UBQLN3: variants seen among roughly 807,000 people sequenced by gnomAD.
UBQLN3 encodes the protein ubiquilin 3, also known as ubiquilin-3.
A neutral mutation model predicts 2.9 loss-of-function variants in UBQLN3; 1 was observed. The ratio of observed to expected loss-of-function variants is 0.35; its 90% CI spans 0.12 to 1.66. UBQLN3 has a LOEUF of 1.66. UBQLN3 is among the 40% of genes most tolerant of loss of function. The probability of loss-of-function intolerance (pLI) is 0.35; values close to 1 mark genes in which losing one functional copy is unlikely to be tolerated. For synonymous variants in UBQLN3, 358 were observed against 317.6 expected, an observed-to-expected ratio of 1.13 and a Z score of -1.35; for missense variants, 924 against 816.5, an observed-to-expected ratio of 1.13 and a Z score of -1.61.
intron 1 of UBQLN3, 138 bp from the exon 2 acceptor site, chr11:5,509,732 G>A (rs992675983): frequency 4.5e-6 from 5 of 1,104,784 alleles, no homozygotes. Context: ...TGAGGTTTCT[G>A]GGGCAGGATG....
In UBQLN3 at chr11:5,509,441, T is replaced by C. The variant is rs948742995; in HGVS notation, c.118A>G (p.Thr40Ala). The change falls in exon 2 of 2, where the codon ACA becomes GCA. Residue 40 changes from threonine to alanine, a missense_variant. Thr to Ala is a moderately conservative substitution (Grantham distance 58, BLOSUM62 0). Transcript: ENST00000311659. ...TCCTTCAGCTGCTGGATAGTGCATG[T>C]GTCTGTAACTGAGAAATCCTCCTTG... ...KDKEDFSVTD[T>A]CTIQQLKEEI... The C allele has an allele frequency of 6.2e-7, 1 of 1,614,228 alleles. No individual in the cohort carries two copies. The highest frequency in any genetic ancestry group is 1.3e-5 in the African/African-American group (1 of 75,072).
chr11:5,508,816 G>A lies in UBQLN3; in HGVS notation c.743C>T (p.Pro248Leu). Residue 248 changes from proline to leucine, a missense_variant, in exon 2 of 2, where the codon CCT (proline) becomes CTT (leucine). Pro to Leu is a moderately conservative substitution (Grantham distance 98). Transcript: ENST00000311659. This position sits in a 1 kb window ranked among gnomAD's most constrained non-coding sequence, Gnocchi z 4.2. ...AGTGCAAAGCACATTGTAGCCACCA[G>A]GAATGCTCTCCAAGTTACTGAGCAC... ...DRVLSNLESI[P>L]GGYNVLCTMY... is the part of the protein sequence containing the mutation. 1 of 1,614,196 alleles carries A rather than the reference G, an allele frequency of 6.2e-7. No individual in the cohort carries two copies. Among genetic ancestry groups the A allele is most frequent in the Non-Finnish European group, 8.5e-7 (1 of 1,180,032 alleles).
intron 1 of UBQLN3, 122 bp from the exon 2 acceptor site, chr11:5,509,716 G>A: frequency 1.5e-5 from 19 of 1,251,256 alleles, no homozygotes; most frequent in Non-Finnish European, 1.7e-5. Flanking sequence ...TACATGAAAG[G>A]GGCCATGAGG....
intron 1 of UBQLN3, 87 bp from the exon 2 acceptor site, chr11:5,509,681 T>C: frequency 2.1e-6 from 3 of 1,435,624 alleles, no homozygotes; most frequent in Non-Finnish European, 2.7e-6. Flanking sequence ...GTCTTGAATA[T>C]CAGGATAGGG....
rs376308199 is a variant in UBQLN3, at chr11:5,508,478, G to T, written c.1081C>A (p.Gln361Lys). 1.9e-6 allele frequency: 3 copies of T among 1,613,496 alleles called. No homozygotes were observed. Among genetic ancestry groups the T allele is most frequent in the African/African-American group, 2.7e-5 (2 of 74,898 alleles). Residue 361 changes from glutamine to lysine, a missense_variant, in exon 2 of 2, where the codon CAG becomes AAG. Transcript: ENST00000311659. The surrounding 1 kb of genome is among the most constrained non-coding windows in gnomAD (Gnocchi z 4.2). ...ENPQSLGTYL[Q>K]GTASALSQSQ... ...TGGCTGAGGGCAGATGCAGTCCCCTGTAGATAAGTTCCTAGGGACTGGGGG... is the reference window on the plus strand; with the variant it reads ...TGGCTGAGGGCAGATGCAGTCCCCTTTAGATAAGTTCCTAGGGACTGGGGG...
rs867964354 is a variant in UBQLN3, at chr11:5,508,843, C to T, written c.716G>A (p.Arg239Gln). Reference sequence around the variant, plus strand: ...AATGCTCTCCAAGTTACTGAGCACCCGGTCCTGGCTACGTATCATCTCCTG... The same window carrying T: ...AATGCTCTCCAAGTTACTGAGCACCTGGTCCTGGCTACGTATCATCTCCTG... ...MMQEMIRSQD[R>Q]VLSNLESIPG... is the part of the protein sequence containing the mutation. Residue 239 changes from arginine (R) to glutamine (Q), a missense_variant, in exon 2 of 2, where the codon CGG (arginine) becomes CAG (glutamine). Coordinates refer to ENST00000311659, the MANE Select transcript of UBQLN3 (RefSeq NM_017481.4). This position sits in a 1 kb window ranked among gnomAD's most constrained non-coding sequence, Gnocchi z 4.2. The T allele has an allele frequency of 9.3e-6, 15 of 1,614,060 alleles. No individual in the cohort carries two copies. Among genetic ancestry groups the T allele is most frequent in the East Asian group, 4.5e-5 (2 of 44,880 alleles).
Position 5,507,852 on chromosome 11 carries a change from C to G in UBQLN3, c.1707G>C (p.Glu569Asp). Residue 569 changes from glutamate to aspartate, a missense_variant, in exon 2 of 2, where the codon GAG (glutamate) becomes GAC (aspartate). Physicochemically the swap from Glu to Asp is conservative, Grantham distance 45. Coordinates refer to ENST00000311659, the MANE Select transcript of UBQLN3 (RefSeq NM_017481.4). ...IESREDPLMS[E>D]DPLPNPPPEV... ...CAGGAGGTGGATTTGGGAGAGGATC[C>G]TCAGACATAAGGGGATCTTCTCTAG... 1 of 1,613,898 alleles carries G rather than the reference C, an allele frequency of 6.2e-7. No individual in the cohort carries two copies. The highest frequency in any genetic ancestry group is 1.7e-5 in the Admixed American group (1 of 60,018).
Position 5,509,240 on chromosome 11 carries a change from C to T in UBQLN3, c.319G>A (p.Val107Ile), listed in dbSNP as rs886730870. 6.2e-7 allele frequency: 1 copy of T among 1,614,146 alleles called. No homozygotes were observed. Among genetic ancestry groups the T allele is most frequent in the Admixed American group, 1.7e-5 (1 of 60,026 alleles). ...CCAGGACTTGGGCCCTGGGTAGGGA[C>T]AGAGGCAGCTGGGCACTCATTGCCC... ...AMGNECPAASVPTQGPSPGSL... is the reference protein window; with the variant it reads ...AMGNECPAASIPTQGPSPGSL... The change falls in exon 2 of 2, where the codon GTC becomes ATC. Residue 107 changes from valine (V) to isoleucine (I), a missense_variant. Transcript: ENST00000311659.
chr11:5,508,168 G>A lies in UBQLN3; in HGVS notation c.1391C>T (p.Pro464Leu). Residue 464 changes from proline to leucine, a missense_variant, in exon 2 of 2, where the codon CCC (proline) becomes CTC (leucine). Pro to Leu is a moderately conservative substitution (Grantham distance 98, BLOSUM62 -3). Coordinates refer to ENST00000311659, the MANE Select transcript of UBQLN3 (RefSeq NM_017481.4). This position sits in a 1 kb window ranked among gnomAD's most constrained non-coding sequence, Gnocchi z 4.2. ...AGGGATTCCAGGAATGGCTGCCGTG[G>A]GGGAAAAAGATAAGGGAGCAAATGG... ...RVPFAPLSFSPTAAIPGIPEP... is the reference protein window; with the variant it reads ...RVPFAPLSFSLTAAIPGIPEP... 1 of 1,614,164 alleles carries A rather than the reference G, an allele frequency of 6.2e-7. No individual in the cohort carries two copies. Among genetic ancestry groups the A allele is most frequent in the Non-Finnish European group, 8.5e-7 (1 of 1,180,022 alleles).
rs1213614469 is a variant in UBQLN3, at chr11:5,508,385, A to G, written c.1174T>C (p.Ser392Pro). The G allele has an allele frequency of 2.5e-6, 4 of 1,601,986 alleles. No homozygotes were observed. The highest frequency in any genetic ancestry group is 3.4e-6 in the Non-Finnish European group (4 of 1,174,436). ...PSSPSSQEPG[S>P]GQPLPEESVA... ...GACTCCTCGGGGAGAGGCTGGCCTGACCCAGGCTCCTGAGATGAGGGTGAC... is the reference window on the plus strand; with the variant it reads ...GACTCCTCGGGGAGAGGCTGGCCTGGCCCAGGCTCCTGAGATGAGGGTGAC... Residue 392 changes from serine (S) to proline (P), a missense_variant, in exon 2 of 2, where the codon TCA becomes CCA. Ser to Pro is a moderately conservative substitution (Grantham distance 74). Coordinates refer to ENST00000311659, the MANE Select transcript of UBQLN3 (RefSeq NM_017481.4). The surrounding 1 kb of genome is among the most constrained non-coding windows in gnomAD (Gnocchi z 4.2).
chr11:5,508,972 TG>T lies in UBQLN3; in HGVS notation c.586del (p.His196IlefsTer5). The T allele has an allele frequency of 2.5e-6, 4 of 1,614,114 alleles. No homozygotes were observed. Among genetic ancestry groups the T allele is most frequent in the Non-Finnish European group, 3.4e-6 (4 of 1,180,012 alleles). On this transcript the variant is annotated frameshift_variant, in exon 2 of 2. Coordinates refer to ENST00000311659, the MANE Select transcript of UBQLN3 (RefSeq NM_017481.4). LOFTEE classifies it low-confidence loss of function (END_TRUNC). The surrounding 1 kb of genome is among the most constrained non-coding windows in gnomAD (Gnocchi z 4.2). Reference sequence around the variant, plus strand: ...GTTGTGCTGGATCAGCTGCTGCATATGGGGGTTGTCAAGAACCAGCTGGCGT... The same window carrying T: ...GTTGTGCTGGATCAGCTGCTGCATATGGGGTTGTCAAGAACCAGCTGGCGT... ...LVRQLVLDNPHMQQLIQHNPE... is the reference protein window; with the variant it reads ...LVRQLVLDNPXMQQLIQHNPE...
rs977615838 is a variant in UBQLN3, at chr11:5,507,951, A to G, written c.1608T>C (p.Thr536=). 3.7e-6 allele frequency: 6 copies of G among 1,613,878 alleles called. No individual in the cohort carries two copies. The highest frequency in any genetic ancestry group is 5.1e-6 in the Non-Finnish European group (6 of 1,180,036). The change falls in exon 2 of 2, where the codon ACT becomes ACC. Residue 536 remains threonine (T), a synonymous_variant. Transcript: ENST00000311659. Reference sequence around the variant, plus strand: ...ACCAGAGTAGGAGGCGAGGTGCTTCAGTAGCTAGGACCTGTAGACCCTGCT... The same window carrying G: ...ACCAGAGTAGGAGGCGAGGTGCTTCGGTAGCTAGGACCTGTAGACCCTGCT... ...QIEQGLQVLA[T]EAPRLLLWFM...
chr11:5,508,008 G>C lies in UBQLN3; in HGVS notation c.1551C>G (p.Asn517Lys). Reference sequence around the variant, plus strand: ...GCCGCAGGGCTTGCAGGGCACGGGGGTTTGCCATGGCTGCCTGAAGGTGCA... The same window carrying C: ...GCCGCAGGGCTTGCAGGGCACGGGGCTTTGCCATGGCTGCCTGAAGGTGCA... ...LLMHLQAAMA[N>K]PRALQALRQI... Residue 517 changes from asparagine (N) to lysine (K), a missense_variant, in exon 2 of 2, where the codon AAC becomes AAG. Transcript: ENST00000311659. The surrounding 1 kb of genome is among the most constrained non-coding windows in gnomAD (Gnocchi z 4.2). The C allele has an allele frequency of 1.2e-6, 2 of 1,614,080 alleles. No homozygotes were observed. The highest frequency in any genetic ancestry group is 1.7e-6 in the Non-Finnish European group (2 of 1,180,046).
chr11:5,509,268 G>C lies in UBQLN3; in HGVS notation c.291C>G (p.Ala97=). 1 of 1,614,210 alleles carries C rather than the reference G, an allele frequency of 6.2e-7. No individual in the cohort carries two copies. Residue 97 remains alanine (A), a synonymous_variant, in exon 2 of 2, where the codon GCC becomes GCG. Transcript: ENST00000311659. ...AGGCAGCTGGGCACTCATTGCCCAT[G>C]GCACGGTGCTGCCTCTTGATGACCA... ...VHLVIKRQHR[A]MGNECPAASV...
At position 5,508,702 on chromosome 11, in the gene UBQLN3, G is replaced by A; in HGVS notation, c.857C>T (p.Ala286Val). 2.5e-6 allele frequency: 4 copies of A among 1,613,902 alleles called. No individual in the cohort carries two copies. Among genetic ancestry groups the A allele is most frequent in the Middle Eastern group, 1.6e-4 (1 of 6,062 alleles). ...TGAAGGTTGGCTGGTGGTGGTGGTG[G>A]CATTATCAGTAGTGGCAGTGGCAAA... ...NPFATATTDN[A>V]TTTTSQPSRM... Residue 286 changes from alanine (A) to valine (V), a missense_variant, in exon 2 of 2, where the codon GCC becomes GTC. By Grantham distance (64) the Ala-to-Val change is moderately conservative. Transcript: ENST00000311659. The surrounding 1 kb of genome is among the most constrained non-coding windows in gnomAD (Gnocchi z 4.2).
Position 5,508,288 on chromosome 11 carries a change from C to T in UBQLN3, c.1271G>A (p.Gly424Asp), listed in dbSNP as rs1461011080. The T allele has an allele frequency of 3.1e-6, 5 of 1,613,966 alleles. No homozygotes were observed. The highest frequency in any genetic ancestry group is 1.6e-4 in the Middle Eastern group (1 of 6,084). ...TTTCCCTGCACCATCTTGGTCTCCA[C>T]CTTGTCCAGTACTGTTCTCTGTGGG... is the stretch of plus-strand genomic sequence containing the variant. ...RYPTENSTGQGGDQDGAGKSS... is the reference protein window; with the variant it reads ...RYPTENSTGQDGDQDGAGKSS... Residue 424 changes from glycine (G) to aspartate (D), a missense_variant, in exon 2 of 2, where the codon GGT (glycine) becomes GAT (aspartate). By Grantham distance (94) the Gly-to-Asp change is moderately conservative. Coordinates refer to ENST00000311659, the MANE Select transcript of UBQLN3 (RefSeq NM_017481.4). This position sits in a 1 kb window ranked among gnomAD's most constrained non-coding sequence, Gnocchi z 4.2.
chr11:5,508,058 T>C lies in UBQLN3; in HGVS notation c.1501A>G (p.Ile501Val), dbSNP rs376849491. The change falls in exon 2 of 2, where the codon ATA (isoleucine) becomes GTA (valine). Residue 501 changes from isoleucine (I) to valine (V), a missense_variant. Coordinates refer to ENST00000311659, the MANE Select transcript of UBQLN3 (RefSeq NM_017481.4). The surrounding 1 kb of genome is among the most constrained non-coding windows in gnomAD (Gnocchi z 4.2). ...MNPAPQLQDE[I>V]QPQLPLLMHL... The stretch of plus-strand genomic sequence containing the variant: ...ATCAGCAGTGGCAGCTGTGGTTGTA[T>C]CTCATCCTGTAACTGTGGAGCTGGA... 16 of 1,613,928 alleles carry C rather than the reference T, an allele frequency of 9.9e-6. No individual in the cohort carries two copies. Among genetic ancestry groups the C allele is most frequent in the African/African-American group, 8.0e-5 (6 of 74,912 alleles).
In UBQLN3 at chr11:5,507,865, G is replaced by A; in HGVS notation, c.1694C>T (p.Pro565Leu). The change falls in exon 2 of 2, where the codon CCC (proline) becomes CTC (leucine). Residue 565 changes from proline (P) to leucine (L), a missense_variant. By Grantham distance (98) the Pro-to-Leu change is moderately conservative. Coordinates refer to ENST00000311659, the MANE Select transcript of UBQLN3 (RefSeq NM_017481.4). ...VAGGIESRED[P>L]LMSEDPLPNP... ...TGGGAGAGGATCCTCAGACATAAGG[G>A]GATCTTCTCTAGACTCTATACCTCC... The A allele has an allele frequency of 6.2e-7, 1 of 1,613,820 alleles. No individual in the cohort carries two copies. Among genetic ancestry groups the A allele is most frequent in the Non-Finnish European group, 8.5e-7 (1 of 1,180,028 alleles).
chr11:5,509,169 AG>A lies in UBQLN3; in HGVS notation c.389del (p.Pro130LeufsTer5). 6.2e-7 allele frequency: 1 copy of A among 1,613,936 alleles called. No individual in the cohort carries two copies. Among genetic ancestry groups the A allele is most frequent in the African/African-American group, 1.3e-5 (1 of 75,050 alleles). ...PSSIYPADGP[P>X]AFSLGLLTGL... The stretch of plus-strand genomic sequence containing the variant: ...CTGTGAGGAGACCTAAGCTAAAGGC[AG>A]GGGGCCCATCTGCTGGGTAAATGGA... On this transcript the variant is annotated frameshift_variant, in exon 2 of 2. Transcript: ENST00000311659. LOFTEE classifies it low-confidence loss of function (END_TRUNC).
Sources: allele counts gnomAD v4.1 joint callset, GRCh38; gene constraint gnomAD v4.1.1; non-coding constraint Gnocchi (gnomAD v3.1); transcripts MANE v1.5; gene names NCBI Gene and HGNC (gene_info 2026-07-23, HGNC 2026-07-21).